Variants in FARS2 observed in about 807,000 individuals in gnomAD.
FARS2 encodes the protein phenylalanine--tRNA ligase, mitochondrial.
FARS2 carries 40 observed loss-of-function variants against 46.4 expected under a neutral mutation model. That is an observed-to-expected ratio of 0.86 (90% CI 0.67 to 1.12). FARS2 has a LOEUF of 1.12. FARS2 is among the 50% of genes most tolerant of loss of function. FARS2 has a pLI of 0.00. For synonymous variants in FARS2, 234 were observed against 214.9 expected, an observed-to-expected ratio of 1.09 and a Z score of -0.78; for missense variants, 513 against 567.9, an observed-to-expected ratio of 0.90 and a Z score of 0.98.
rs117371232 is a variant in FARS2 at position 5,569,116 on chromosome 6, C to T, written c.1065+23776C>T. 2.9e-4 allele frequency among the ~76,000 whole-genome samples: 44 copies of T among 151,378 alleles called. 1 individual carries two copies. The East Asian group carries it at 8.6e-3, about 29-fold the overall frequency. On this transcript the variant is annotated intron_variant, in intron 5 of 6. Coordinates refer to ENST00000274680, the MANE Select transcript of FARS2 (RefSeq NM_006567.5). ...TTAATCACAGTAGGTAAACATGAGC[C>T]AGAAAGAAAATGGTTCCTAGGTTTC... is the stretch of plus-strand genomic sequence containing the variant.
intron 6 of FARS2, among the ~76,000 whole-genome samples, chr6:5,712,284 A>C (rs981724240): frequency 6.6e-6 from 1 of 152,134 alleles, no homozygotes; most frequent in African/African-American, 2.4e-5. Context: ...TAGATTGAAA[A>C]ACCTGAGTTA....
chr6:5,761,882 G>A (rs1409071502), intron 6 of FARS2, among the ~76,000 whole-genome samples: 1 of 151,228 alleles, frequency 6.6e-6, no homozygotes, highest in African/African-American at 2.4e-5. Context: ...ATGAAATCAT[G>A]AAGATGCTCC....
intron 5 of FARS2, among the ~76,000 whole-genome samples, chr6:5,573,157 T>C (rs2150563681): frequency 6.6e-6 from 1 of 152,350 alleles, no homozygotes; most frequent in South Asian, 2.1e-4. Flanking sequence ...AACTCTCTGT[T>C]GAGTCTCTGT....
At chr6:5,486,021 A>G (rs7774359) in intron 4 of FARS2, among the ~76,000 whole-genome samples, 51,314 of 152,070 alleles carry the variant, frequency 0.34, 9,890 homozygotes, top group African/African-American at 0.53. Flanking sequence ...GACTTAGACT[A>G]GTTATTCATT....
intron 4 of FARS2, among the ~76,000 whole-genome samples, chr6:5,513,022 C>G (rs1043716670): frequency 6.6e-6 from 1 of 151,984 alleles, no homozygotes; most frequent in African/African-American, 2.4e-5. Flanking sequence ...ATTGCAGATG[C>G]GTGGGTTGGG....
At chr6:5,415,417 C>G (rs1268819080) in intron 3 of FARS2, among the ~76,000 whole-genome samples, 3 of 143,638 alleles carry the variant, frequency 2.1e-5, no homozygotes, top group Non-Finnish European at 4.5e-5. Flanking sequence ...TGGGTTCAAG[C>G]AGTTCTCTCC....
chr6:5,400,248 A>ATGTGTTCC (rs1448052785), intron 2 of FARS2, among the ~76,000 whole-genome samples: 12 of 151,800 alleles, frequency 7.9e-5, no homozygotes. Context: ...TTCAGGGGTC[A>ATGTGTTCC]TTTTCATATC....
intron 6 of FARS2, among the ~76,000 whole-genome samples, chr6:5,683,456 C>T (rs1779132400): frequency 1.3e-5 from 2 of 152,094 alleles, no homozygotes; most frequent in Non-Finnish European, 2.9e-5. Flanking sequence ...GGGAGCTGCT[C>T]CTCACTCCCA....
chr6:5,531,664 G>A (rs538792728), intron 4 of FARS2, among the ~76,000 whole-genome samples: 1 of 152,212 alleles, frequency 6.6e-6, no homozygotes, highest in African/African-American at 2.4e-5. Context: ...AGTGTTTGGG[G>A]CCAAGGATAT....
rs1776267225 is a variant in FARS2, at chr6:5,630,998, T to C, written c.1217+17678T>C. On this transcript the variant is annotated intron_variant, in intron 6 of 6. Coordinates refer to ENST00000274680, the MANE Select transcript of FARS2 (RefSeq NM_006567.5). This position sits in a 1 kb window ranked among gnomAD's most constrained non-coding sequence, Gnocchi z 4.2. ...GAATCTGTTCACCTGCTACCTAGAATTGCCTCCTCCAAAGGAGAAACCCAC... is the reference window on the plus strand; with the variant it reads ...GAATCTGTTCACCTGCTACCTAGAACTGCCTCCTCCAAAGGAGAAACCCAC... 6.6e-6 allele frequency among the ~76,000 whole-genome samples: 1 copy of C among 152,330 alleles called. No homozygotes were observed. The highest frequency in any genetic ancestry group is 1.9e-4 in the East Asian group (1 of 5,192).
At position 5,346,225 on chromosome 6, in the gene FARS2, A is replaced by G. The variant is rs534169580; in HGVS notation, c.-21-22325A>G. On this transcript the variant is annotated intron_variant, in intron 1 of 6. Transcript: ENST00000274680. The stretch of plus-strand genomic sequence containing the variant: ...CATATCATATGAAAAACCACTCTGC[A>G]TATTATAATCAACCATTCTTGAAGA... Among the ~76,000 whole-genome samples, 8 of 152,348 alleles carry G rather than the reference A, an allele frequency of 5.3e-5. No individual in the cohort carries two copies. The East Asian group carries it at 9.6e-4, about 18-fold the overall frequency.
intron 4 of FARS2, among the ~76,000 whole-genome samples, chr6:5,473,869 GC>G (rs927638187): frequency 9.9e-5 from 15 of 152,148 alleles, no homozygotes; most frequent in Non-Finnish European, 1.6e-4. Context: ...CAGTGCACAG[GC>G]CACACAGAAT....
chr6:5,617,543 A>G (rs1775541661), intron 6 of FARS2, among the ~76,000 whole-genome samples: 1 of 152,160 alleles, frequency 6.6e-6, no homozygotes, highest in Non-Finnish European at 1.5e-5. Context: ...TAGCTCAGCA[A>G]TTTTCCACTC....
intron 4 of FARS2, among the ~76,000 whole-genome samples, chr6:5,458,623 A>G (rs1157093205): frequency 6.6e-6 from 1 of 152,152 alleles, no homozygotes; most frequent in African/African-American, 2.4e-5. Flanking sequence ...CGTGGATAAT[A>G]TTGAGACTGG....
chr6:5,503,399 CACACACAG>C (rs1286644944), intron 4 of FARS2, among the ~76,000 whole-genome samples: 4,290 of 94,782 alleles, frequency 0.045, 186 homozygotes, highest in African/African-American at 0.16. Flanking sequence ...CACACACACA[CACACACAG>C]AGAGAGAGAG....
chr6:5,310,279 C>T (rs1461852690), intron 1 of FARS2, among the ~76,000 whole-genome samples: 2 of 151,870 alleles, frequency 1.3e-5, no homozygotes, highest in Non-Finnish European at 2.9e-5. Flanking sequence ...AGTATAATTT[C>T]TATAAGAAAA....
chr6:5,279,114 AT>A (rs1766536207), intron 1 of FARS2, among the ~76,000 whole-genome samples: 1 of 152,282 alleles, frequency 6.6e-6, no homozygotes, highest in South Asian at 2.1e-4. Flanking sequence ...ACAGTGGCTG[AT>A]GCCTGTAACC....
chr6:5,298,932 T>C (rs1230217700), intron 1 of FARS2, among the ~76,000 whole-genome samples: 1 of 152,058 alleles, frequency 6.6e-6, no homozygotes, highest in Non-Finnish European at 1.5e-5. Flanking sequence ...TTAGCTGAGA[T>C]TGCTGAAATT....
intron 1 of FARS2, among the ~76,000 whole-genome samples, chr6:5,329,455 G>C (rs55716067): frequency 0.23 from 33,793 of 148,242 alleles, 4,639 homozygotes; most frequent in East Asian, 0.34. Flanking sequence ...GACAACAAAT[G>C]TATGAGTTTT....
Sources: gnomAD v4.1 joint callset for allele counts (sites outside exome capture counted in the v4.1 genomes callset) on GRCh38, gnomAD v4.1.1 for gene constraint, Gnocchi (gnomAD v3.1) non-coding constraint, MANE v1.5 for transcripts, NCBI Gene and HGNC (gene_info 2026-07-23, HGNC 2026-07-21) for gene names.